The following TACC1 variants were observed in gnomAD, a reference collection of about 807,000 sequenced individuals.
TACC1 encodes the protein transforming acidic coiled-coil-containing protein 1.
Under a neutral mutation model 84.4 loss-of-function variants are expected in TACC1, and 48 were observed. The ratio of observed to expected loss-of-function variants is 0.57; its 90% CI spans 0.45 to 0.72. The LOEUF (loss-of-function observed/expected upper bound fraction) is 0.72, where lower values mean the gene tolerates loss of function less well. Among genes scored for constraint, TACC1 ranks in the 30% least tolerant of loss-of-function variants. The pLI is 0.00. For missense variants in TACC1, 920 were observed against 973.0 expected, an observed-to-expected ratio of 0.95 and a Z score of 0.72; for synonymous variants, 372 against 376.3, an observed-to-expected ratio of 0.99 and a Z score of 0.13.
chr8:38,767,477 A>G (rs759197957), intron 3 of TACC1, among the ~76,000 whole-genome samples: 1 of 152,214 alleles, frequency 6.6e-6, no homozygotes, highest in African/African-American at 2.4e-5. Context: ...CAAGACTAGA[A>G]CCAAGAGATG....
rs111473189 is a variant in TACC1 at position 38,766,223 on chromosome 8, T to C, written c.26+20730T>C. On this transcript the variant is annotated intron_variant, in intron 3 of 14. Coordinates refer to the TACC1 transcript ENST00000518415. ...GACATTGCTTCATTCCCAGAACACT[T>C]ACTGTTACAGATACTTTGGATGTAA... 6.7e-3 allele frequency among the ~76,000 whole-genome samples: 1,021 copies of C among 152,336 alleles called. 11 individuals carry two copies. Among genetic ancestry groups the C allele is most frequent in the African/African-American group, 0.023 (956 of 41,574 alleles).
In TACC1 at chr8:38,819,790, T is replaced by C; in HGVS notation, c.546T>C (p.Ala182=). 6.2e-7 allele frequency: 1 copy of C among 1,613,902 alleles called. No individual in the cohort carries two copies. Among genetic ancestry groups the C allele is most frequent in the Non-Finnish European group, 8.5e-7 (1 of 1,180,028 alleles). Residue 182 remains alanine, a synonymous_variant, in exon 3 of 13, where the codon GCT becomes GCC. Coordinates refer to ENST00000317827, the MANE Select transcript of TACC1 (RefSeq NM_006283.3). Reference sequence around the variant, plus strand: ...GTGTAACTGCAGTCTCAGGCAAGGCTCTGCCTTCCAGCCCGCCAGACGCCC... The same window carrying C: ...GTGTAACTGCAGTCTCAGGCAAGGCCCTGCCTTCCAGCCCGCCAGACGCCC... ...HGCVTAVSGK[A]LPSSPPDALQ...
intron 3 of TACC1, among the ~76,000 whole-genome samples, chr8:38,770,096 C>T (rs958105465): frequency 6.6e-6 from 1 of 151,766 alleles, no homozygotes; most frequent in East Asian, 1.9e-4. Context: ...TGTGAACATG[C>T]GTGCTCCCTG....
chr8:38,768,745 CTGTG>C (rs1247145240), intron 3 of TACC1, among the ~76,000 whole-genome samples: 2 of 151,136 alleles, frequency 1.3e-5, no homozygotes, highest in African/African-American at 4.9e-5. Flanking sequence ...ATATGTGAAA[CTGTG>C]TGTGGGAGGT....
At position 38,756,484 on chromosome 8, in the gene TACC1, C is replaced by A. The variant is rs2151777820; in HGVS notation, c.26+10991C>A. Reference sequence around the variant, plus strand: ...GGAGGCAGGAATGGGTGAGGAAGGGCATGAGAGATGCTCTAAAGGGAGTTG... The same window carrying A: ...GGAGGCAGGAATGGGTGAGGAAGGGAATGAGAGATGCTCTAAAGGGAGTTG... On this transcript the variant is annotated intron_variant, in intron 3 of 14. Transcript: ENST00000518415. Among the ~76,000 whole-genome samples the A allele has an allele frequency of 1.3e-5, 2 of 152,122 alleles. 1 individual carries two copies. The highest frequency in any genetic ancestry group is 4.2e-4 in the South Asian group (2 of 4,816).
At chr8:38,818,306 A>T (rs999274869) in intron 2 of TACC1, among the ~76,000 whole-genome samples, 6 of 152,198 alleles carry the variant, frequency 3.9e-5, no homozygotes, top group Admixed American at 1.3e-4. Flanking sequence ...TAGGATTAGG[A>T]AGTAGGATTA....
At chr8:38,797,244 T>A (rs1820215797) in intron 2 of TACC1, among the ~76,000 whole-genome samples, 1 of 152,220 alleles carries the variant, frequency 6.6e-6, no homozygotes, top group African/African-American at 2.4e-5. Flanking sequence ...CACAGTATCC[T>A]TTTGGTTACA....
intron 3 of TACC1, among the ~76,000 whole-genome samples, chr8:38,822,948 A>C (rs535711839): frequency 6.6e-6 from 1 of 152,324 alleles, no homozygotes; most frequent in Admixed American, 6.5e-5. Context: ...ACATTTTACT[A>C]AAAAGTTTGA....
At chr8:38,776,848 A>T (rs1384283264) in intron 3 of TACC1, among the ~76,000 whole-genome samples, 1 of 152,198 alleles carries the variant, frequency 6.6e-6, no homozygotes, top group Non-Finnish European at 1.5e-5. Flanking sequence ...GGTTCTTCCC[A>T]TACCTTCATC....
chr8:38,747,071 A>T (rs1462815690), intron 3 of TACC1, among the ~76,000 whole-genome samples: 1 of 152,224 alleles, frequency 6.6e-6, no homozygotes, highest in Non-Finnish European at 1.5e-5. Context: ...TCACCAAAGA[A>T]GATACACAGA....
At position 38,849,934 on chromosome 8, in the gene TACC1, A is replaced by T. The variant is rs3739251; in HGVS notation, c.*1911A>T. 13,977 of 152,606 alleles carry T rather than the reference A, an allele frequency of 0.092. 826 individuals carry two copies. The highest frequency in any genetic ancestry group is 0.26 in the East Asian group (1,320 of 5,168). The allele number at this position is 152,606 out of a possible 1,614,324, so 9.5% of individuals were successfully genotyped here. On this transcript the variant is annotated 3_prime_UTR_variant, in exon 13 of 13. Coordinates refer to ENST00000317827, the MANE Select transcript of TACC1 (RefSeq NM_006283.3). ...TAGTCCTCTACTGCTAAATAAGTTAATTTTGCATTTTGCAGAAAGAAACAT... is the reference window on the plus strand; with the variant it reads ...TAGTCCTCTACTGCTAAATAAGTTATTTTTGCATTTTGCAGAAAGAAACAT...
chr8:38,837,739 T>C (rs1830501101), intron 7 of TACC1, among the ~76,000 whole-genome samples: 1 of 152,192 alleles, frequency 6.6e-6, no homozygotes, highest in Non-Finnish European at 1.5e-5. Flanking sequence ...CTAATAAATA[T>C]AATGAAACTA....
intron 3 of TACC1, among the ~76,000 whole-genome samples, chr8:38,759,748 G>T (rs200838104): frequency 5.3e-5 from 8 of 152,226 alleles, no homozygotes; most frequent in East Asian, 3.8e-4. Flanking sequence ...GCTCAGTGAG[G>T]CAGCCTCACA....
At chr8:38,735,809 C>T (rs1410387521) in intron 1 of TACC1, among the ~76,000 whole-genome samples, 2 of 152,132 alleles carry the variant, frequency 1.3e-5, no homozygotes, top group Non-Finnish European at 2.9e-5. Context: ...GGATCCTGAC[C>T]CACCTGACAG....
intron 3 of TACC1, among the ~76,000 whole-genome samples, chr8:38,754,998 A>T (rs1809724035): frequency 6.6e-6 from 1 of 152,162 alleles, no homozygotes; most frequent in Non-Finnish European, 1.5e-5. Context: ...TGTCTCTATT[A>T]AAAATACAAA....
At chr8:38,756,669 G>A (rs1239113731) in intron 3 of TACC1, among the ~76,000 whole-genome samples, 1 of 152,198 alleles carries the variant, frequency 6.6e-6, no homozygotes, top group Non-Finnish European at 1.5e-5. Context: ...TTGTTTTATG[G>A]ATAAAGAAAA....
At chr8:38,835,057 T>C (rs904953505) in intron 6 of TACC1, among the ~76,000 whole-genome samples, 1 of 152,044 alleles carries the variant, frequency 6.6e-6, no homozygotes, top group Non-Finnish European at 1.5e-5. Context: ...ATTGAGACCA[T>C]CCTGGCTAAC....
At chr8:38,740,938 T>C (rs376115652) in intron 1 of TACC1, among the ~76,000 whole-genome samples, 3 of 152,352 alleles carry the variant, frequency 2.0e-5, no homozygotes, top group African/African-American at 7.2e-5. Flanking sequence ...TGTGTTTTGT[T>C]GTACCTTGGC....
chr8:38,755,020 C>T (rs1176777258), intron 3 of TACC1, among the ~76,000 whole-genome samples: 7 of 152,004 alleles, frequency 4.6e-5, no homozygotes, highest in African/African-American at 1.2e-4. Context: ...AATAGCCAGG[C>T]GTGATGGTGC....
Sources: gnomAD v4.1 joint callset for allele counts (sites outside exome capture counted in the v4.1 genomes callset) on GRCh38, gnomAD v4.1.1 for gene constraint, MANE v1.5 for transcripts, NCBI Gene and HGNC (gene_info 2026-07-23, HGNC 2026-07-21) for gene names.